PRKCH: variants seen among roughly 807,000 people sequenced by gnomAD.
PRKCH encodes protein kinase C eta.
In PRKCH, 28 loss-of-function variants were observed where a neutral mutation model predicts 82.5. The ratio of observed to expected loss-of-function variants is 0.34; its 90% CI spans 0.25 to 0.47. The LOEUF (loss-of-function observed/expected upper bound fraction) is 0.47. Among genes scored for constraint, PRKCH ranks in the 20% least tolerant of loss-of-function variants. The pLI, the probability that PRKCH is intolerant of heterozygous loss-of-function variation, is 1.00. For missense variants in PRKCH, 705 were observed against 881.8 expected, an observed-to-expected ratio of 0.80 and a Z score of 2.54; for synonymous variants, 322 against 327.4, an observed-to-expected ratio of 0.98 and a Z score of 0.18.
intron 1 of PRKCH, among the ~76,000 whole-genome samples, chr14:61,307,760 C>G (rs770948578): frequency 2.0e-5 from 3 of 152,160 alleles, no homozygotes; most frequent in South Asian, 4.1e-4. Context: ...GGCCATATTT[C>G]TGTGTGATTA....
At chr14:61,372,672 G>A (rs2046377653) in intron 1 of PRKCH, among the ~76,000 whole-genome samples, 1 of 151,990 alleles carries the variant, frequency 6.6e-6, no homozygotes, top group South Asian at 2.1e-4. Context: ...AGGTCCTTAA[G>A]CCAGCATCTT....
chr14:61,208,524 CATAATCCCCAAGTT>C (rs2044544783), intron 1 of PRKCH, among the ~76,000 whole-genome samples: 1 of 152,134 alleles, frequency 6.6e-6, no homozygotes, highest in African/African-American at 2.4e-5. Flanking sequence ...AAAGGTGAGA[CATAATCCCCAAGTT>C]ATGAGATTGA....
intron 1 of PRKCH, among the ~76,000 whole-genome samples, chr14:61,334,397 G>A (rs2045827471): frequency 6.6e-6 from 1 of 152,170 alleles, no homozygotes; most frequent in African/African-American, 2.4e-5. Flanking sequence ...ACTTGATTCA[G>A]TGTGACAAGG....
chr14:61,476,123 C>A (rs1424067778), intron 9 of PRKCH, among the ~76,000 whole-genome samples: 1 of 152,222 alleles, frequency 6.6e-6, no homozygotes, highest in Non-Finnish European at 1.5e-5. Context: ...ACTTCTTTGC[C>A]CTTTGCTTCT....
chr14:61,282,880 C>T (rs1457468216), intron 1 of PRKCH, among the ~76,000 whole-genome samples: 1 of 152,012 alleles, frequency 6.6e-6, no homozygotes, highest in Non-Finnish European at 1.5e-5. Flanking sequence ...CAGCAAGTTC[C>T]CACAGTGTGA....
chr14:61,526,324 A>G (rs1322953658), intron 10 of PRKCH, among the ~76,000 whole-genome samples: 1 of 152,208 alleles, frequency 6.6e-6, no homozygotes, highest in East Asian at 1.9e-4. Context: ...AAGTGGGTGC[A>G]CAGGTACTCA....
rs1342950178 is a variant in PRKCH at position 61,449,556 on chromosome 14, G to T, written c.702+304G>T. On this transcript the variant is annotated intron_variant, in intron 5 of 13. Coordinates refer to ENST00000332981, the MANE Select transcript of PRKCH (RefSeq NM_006255.5). ...GGCTGGGTATAAGCTATATGGATTG[G>T]TTCTACTTATTTGGAGAGACTTTTG... is the stretch of plus-strand genomic sequence containing the variant. Among the ~76,000 whole-genome samples, 4 of 152,214 alleles carry T rather than the reference G, an allele frequency of 2.6e-5. No individual in the cohort carries two copies. The East Asian group carries it at 7.7e-4, about 29-fold the overall frequency.
intron 9 of PRKCH, among the ~76,000 whole-genome samples, chr14:61,459,220 T>C (rs1390316476): frequency 6.6e-6 from 1 of 152,184 alleles, no homozygotes; most frequent in African/African-American, 2.4e-5. Context: ...GTTCCTGGCC[T>C]GTGCCACCAT....
intron 9 of PRKCH, among the ~76,000 whole-genome samples, chr14:61,475,333 A>G (rs1594746019): frequency 6.6e-6 from 1 of 152,226 alleles, no homozygotes; most frequent in East Asian, 1.9e-4. Flanking sequence ...ATAATCATCC[A>G]AGATATCTTC....
Position 61,529,064 on chromosome 14 carries a change from G to C in PRKCH, c.1434-11G>C, listed in dbSNP as rs1382258383. The C allele has an allele frequency of 6.2e-7, 1 of 1,606,478 alleles. No homozygotes were observed. Among genetic ancestry groups the C allele is most frequent in the South Asian group, 1.1e-5 (1 of 90,624 alleles). On this transcript the variant is annotated splice_polypyrimidine_tract_variant and intron_variant, in intron 10 of 13. Transcript: ENST00000332981. The stretch of plus-strand genomic sequence containing the variant: ...GCTGCCCTATCTCGTGCTGCTCTTT[G>C]TATCTTTCAGAGATCTGAAACTGGA...
intron 10 of PRKCH, among the ~76,000 whole-genome samples, chr14:61,498,308 T>C (rs1435268354): frequency 2.6e-5 from 4 of 152,178 alleles, no homozygotes; most frequent in Non-Finnish European, 5.9e-5. Context: ...CCACCGCACC[T>C]GGGCAGAAAT....
intron 2 of PRKCH, among the ~76,000 whole-genome samples, chr14:61,419,971 C>T (rs1882750039): frequency 6.6e-6 from 1 of 152,182 alleles, no homozygotes; most frequent in African/African-American, 2.4e-5. Context: ...ACTGACAGCC[C>T]AGTGATAGAG....
intron 1 of PRKCH, among the ~76,000 whole-genome samples, chr14:61,199,897 C>T (rs1439351955): frequency 6.6e-6 from 1 of 152,182 alleles, no homozygotes; most frequent in Non-Finnish European, 1.5e-5. Context: ...GATTTTGTAT[C>T]TGCCAAGATG....
chr14:61,278,253 A>G (rs1290464714), intron 1 of PRKCH: 1 of 152,260 alleles, frequency 6.6e-6, no homozygotes, highest in Non-Finnish European at 1.5e-5. Context: ...ATGTATCTAT[A>G]TACATATAAT....
chr14:61,433,352 T>C (rs1393058652), intron 2 of PRKCH, among the ~76,000 whole-genome samples: 9 of 152,108 alleles, frequency 5.9e-5, no homozygotes, highest in Non-Finnish European at 1.0e-4. Flanking sequence ...TTTAGAAGTC[T>C]ACCAGTGGAT....
intron 2 of PRKCH, among the ~76,000 whole-genome samples, chr14:61,400,223 G>A (rs1257646411): frequency 1.3e-5 from 2 of 152,184 alleles, no homozygotes; most frequent in Non-Finnish European, 2.9e-5. Context: ...CTTTGAAGCT[G>A]CAGCCCACAG....
At chr14:61,526,326 A>C (rs2042966045) in intron 10 of PRKCH, among the ~76,000 whole-genome samples, 1 of 152,216 alleles carries the variant, frequency 6.6e-6, no homozygotes, top group African/African-American at 2.4e-5. Flanking sequence ...GTGGGTGCAC[A>C]GGTACTCAGC....
At chr14:61,505,446 G>A (rs117855267) in intron 10 of PRKCH, among the ~76,000 whole-genome samples, 1,285 of 107,218 alleles carry the variant, frequency 0.012, 18 homozygotes, top group East Asian at 0.055. Context: ...TTGCTCTATC[G>A]CCCACTGCAA....
chr14:61,472,503 A>G (rs1885549057), intron 9 of PRKCH, among the ~76,000 whole-genome samples: 1 of 152,126 alleles, frequency 6.6e-6, no homozygotes, highest in Non-Finnish European at 1.5e-5. Context: ...TAGCAATATG[A>G]TTGGGCTTTG....
Sources: gnomAD v4.1 joint callset for allele counts (sites outside exome capture counted in the v4.1 genomes callset) on GRCh38, gnomAD v4.1.1 for gene constraint, MANE v1.5 for transcripts, NCBI Gene and HGNC (gene_info 2026-07-23, HGNC 2026-07-21) for gene names.